KIF26B: variants seen among roughly 807,000 people sequenced by gnomAD.
KIF26B encodes the protein kinesin family member 26B.
Under a neutral mutation model 151.2 loss-of-function variants are expected in KIF26B, and 63 were observed. That is an observed-to-expected ratio of 0.42 (90% CI 0.34 to 0.51). The LOEUF (loss-of-function observed/expected upper bound fraction) is 0.51. Among genes scored for constraint, KIF26B ranks in the 20% least tolerant of loss-of-function variants. The pLI is 0.07. For synonymous variants in KIF26B, 1,357 were observed against 1,262.1 expected (o/e 1.08, Z -1.59); for missense variants, 2,813 against 2,913.6 (o/e 0.97, Z 0.79).
At chr1:245,198,376 T>A (rs1486118551) in intron 2 of KIF26B, among the ~76,000 whole-genome samples, 2 of 152,180 alleles carry the variant, frequency 1.3e-5, no homozygotes, top group Non-Finnish European at 2.9e-5. Context: ...TTATTTAATA[T>A]AGGGATTAAA....
chr1:245,543,861 T>G (rs1661678932), intron 5 of KIF26B, among the ~76,000 whole-genome samples: 2 of 152,048 alleles, frequency 1.3e-5, no homozygotes, highest in African/African-American at 2.4e-5. Flanking sequence ...GGCAGGAGAA[T>G]CGCTTGAACC....
At chr1:245,320,471 C>T (rs911327100) in intron 2 of KIF26B, among the ~76,000 whole-genome samples, 3 of 152,080 alleles carry the variant, frequency 2.0e-5, no homozygotes, top group East Asian at 3.8e-4. Context: ...AATATTGATA[C>T]GTTATTGTTA....
In KIF26B at chr1:245,684,315, G is replaced by A. The variant is rs199561730; in HGVS notation, c.2341G>A (p.Ala781Thr). ...CACCATGATCGCGCACATCTCGGCCGCGGTCGGGAGCTACGCGGAGACCCT... is the reference window on the plus strand; with the variant it reads ...CACCATGATCGCGCACATCTCGGCCACGGTCGGGAGCTACGCGGAGACCCT... ...RTTMIAHISA[A>T]VGSYAETLST... The change falls in exon 11 of 15, where the codon GCG (alanine) becomes ACG (threonine). Residue 781 changes from alanine to threonine, a missense_variant. Ala to Thr is a moderately conservative substitution (Grantham distance 58, BLOSUM62 0). This residue lies in a region of KIF26B where 2,060 missense variants were observed against 2,088.6 expected (regional missense o/e 0.99). Transcript: ENST00000407071. The A allele has an allele frequency of 1.8e-4, 296 of 1,613,852 alleles. No homozygotes were observed. The highest frequency in any genetic ancestry group is 2.0e-4 in the Non-Finnish European group (240 of 1,179,874).
rs141656727 is a variant in KIF26B, at chr1:245,532,593, G to A, written c.1167-8174G>A. On this transcript the variant is annotated intron_variant, in intron 4 of 14. Transcript: ENST00000407071. Reference sequence around the variant, plus strand: ...ATTGGTTAACTCTGTGCATTAACATGCAAATGTCAATCCATTTCCAAATGA... The same window carrying A: ...ATTGGTTAACTCTGTGCATTAACATACAAATGTCAATCCATTTCCAAATGA... Among the ~76,000 whole-genome samples, 830 of 152,180 alleles carry A rather than the reference G, an allele frequency of 5.5e-3. 10 individuals are homozygous for A. Among genetic ancestry groups the A allele is most frequent in the African/African-American group, 0.018 (757 of 41,516 alleles).
chr1:245,617,312 G>T (rs975336263), intron 9 of KIF26B, among the ~76,000 whole-genome samples: 1 of 152,156 alleles, frequency 6.6e-6, no homozygotes, highest in Non-Finnish European at 1.5e-5. Flanking sequence ...TGGCCACGCT[G>T]GTCTCGAACT....
intron 5 of KIF26B, among the ~76,000 whole-genome samples, chr1:245,585,352 C>G (rs2043213405): frequency 6.6e-6 from 1 of 151,976 alleles, no homozygotes; most frequent in Non-Finnish European, 1.5e-5. Context: ...TGGCCAATTG[C>G]CTTATAAAAG....
At chr1:245,605,681 G>C (rs1339945258) in intron 6 of KIF26B, among the ~76,000 whole-genome samples, 1 of 152,096 alleles carries the variant, frequency 6.6e-6, no homozygotes, top group Non-Finnish European at 1.5e-5. Context: ...GCTCGAGAAG[G>C]CTGCATGCCT....
intron 5 of KIF26B, among the ~76,000 whole-genome samples, chr1:245,555,444 G>A (rs1661997061): frequency 6.6e-6 from 1 of 152,102 alleles, no homozygotes; most frequent in Admixed American, 6.5e-5. Context: ...CTCTCTTACA[G>A]CTGCCACCAG....
chr1:245,436,064 C>T (rs951447695), intron 4 of KIF26B, among the ~76,000 whole-genome samples: 9 of 151,456 alleles, frequency 5.9e-5, no homozygotes, highest in African/African-American at 1.5e-4. Flanking sequence ...GGAATCCGAG[C>T]GACTTGGGAG....
intron 4 of KIF26B, among the ~76,000 whole-genome samples, chr1:245,450,066 C>G (rs567692742): frequency 6.6e-6 from 1 of 152,146 alleles, no homozygotes; most frequent in Non-Finnish European, 1.5e-5. Context: ...CCAGCATTGT[C>G]GTCTGAACTA....
intron 3 of KIF26B, among the ~76,000 whole-genome samples, chr1:245,417,627 T>C (rs1396180792): frequency 2.0e-5 from 3 of 152,262 alleles, no homozygotes; most frequent in African/African-American, 4.8e-5. Context: ...TGGCACAAGA[T>C]AGCCAATAGC....
intron 3 of KIF26B, among the ~76,000 whole-genome samples, chr1:245,404,970 C>T (rs961608702): frequency 2.0e-5 from 3 of 152,216 alleles, no homozygotes; most frequent in East Asian, 3.8e-4. Flanking sequence ...AACATTACTA[C>T]ACTTCTTAAA....
intron 3 of KIF26B, chr1:245,370,557 C>T (rs1279015577): frequency 1.1e-5 from 5 of 456,292 alleles, no homozygotes. Context: ...ACACAGACAA[C>T]TCACATTTCA....
chr1:245,168,375 T>C (rs924601335), intron 2 of KIF26B, among the ~76,000 whole-genome samples: 3 of 152,236 alleles, frequency 2.0e-5, no homozygotes, highest in Non-Finnish European at 4.4e-5. Flanking sequence ...ATTCGGATCA[T>C]AAACTGACAG....
chr1:245,540,992 G>C lies in KIF26B; in HGVS notation c.1350+42G>C. 6.5e-7 allele frequency: 1 copy of C among 1,531,768 alleles called. No homozygotes were observed. Among genetic ancestry groups the C allele is most frequent in the East Asian group, 2.3e-5 (1 of 43,964 alleles). 94.9% of individuals were successfully genotyped at this position (1,531,768 alleles called of 1,614,324 possible). ...TCCCTGCCATTTGCCCAGTGTGCGA[G>C]GTTCTGGATCAAGTTTCAGGAGGAA... On this transcript the variant is annotated intron_variant, in intron 5 of 14. Coordinates refer to ENST00000407071, the MANE Select transcript of KIF26B (RefSeq NM_018012.4). The surrounding 1 kb of genome is among the most constrained non-coding windows in gnomAD (Gnocchi z 4.6).
chr1:245,316,284 G>C (rs1046674518), intron 2 of KIF26B, among the ~76,000 whole-genome samples: 1 of 151,978 alleles, frequency 6.6e-6, no homozygotes, highest in Non-Finnish European at 1.5e-5. Flanking sequence ...ACCATGCCTG[G>C]CTAATTTTTT....
At chr1:245,429,669 A>C (rs562702984) in intron 4 of KIF26B, among the ~76,000 whole-genome samples, 1 of 152,188 alleles carries the variant, frequency 6.6e-6, no homozygotes, top group South Asian at 2.1e-4. Context: ...CCCAGATTGC[A>C]GTGGCACAAT....
At chr1:245,243,731 G>A (rs1192073728) in intron 2 of KIF26B, among the ~76,000 whole-genome samples, 1 of 152,022 alleles carries the variant, frequency 6.6e-6, no homozygotes, top group African/African-American at 2.4e-5. Context: ...CACGCCTGTA[G>A]TCCCAGTTAC....
intron 9 of KIF26B, among the ~76,000 whole-genome samples, chr1:245,629,816 A>C (rs1248301651): frequency 1.3e-5 from 2 of 152,294 alleles, no homozygotes; most frequent in South Asian, 4.2e-4. Flanking sequence ...ACAACCTACA[A>C]AACGGGAGAA....
Sources: allele counts gnomAD v4.1 joint callset (sites outside exome capture counted in the v4.1 genomes callset), GRCh38; gene constraint gnomAD v4.1.1; regional missense constraint gnomAD v4.1.1; non-coding constraint Gnocchi (gnomAD v3.1); transcripts MANE v1.5; gene names NCBI Gene and HGNC (gene_info 2026-07-23, HGNC 2026-07-21).